Variants in LRRC4C observed in about 807,000 individuals in gnomAD.
LRRC4C encodes leucine-rich repeat-containing protein 4C.
Under a neutral mutation model 33.6 loss-of-function variants are expected in LRRC4C, and 5 were observed. The observed-to-expected ratio is 0.15, with a 90% CI of 0.08 to 0.31. The LOEUF (loss-of-function observed/expected upper bound fraction) is 0.31, where lower values mean the gene tolerates loss of function less well. LRRC4C is among the 10% of genes least tolerant of loss of function. The pLI is 1.00. For missense variants in LRRC4C, 560 were observed against 796.7 expected (o/e 0.70, Z 3.58); for synonymous variants, 329 against 302.0 (o/e 1.09, Z -0.93).
At chr11:41,281,938 A>G (rs1429329385) in intron 1 of LRRC4C, among the ~76,000 whole-genome samples, 1 of 152,254 alleles carries the variant, frequency 6.6e-6, no homozygotes, top group Non-Finnish European at 1.5e-5. Context: ...AAATGGGACA[A>G]GATCATTAGT....
chr11:40,596,150 T>C (rs1959267379), intron 3 of LRRC4C, among the ~76,000 whole-genome samples: 1 of 152,140 alleles, frequency 6.6e-6, no homozygotes, highest in Non-Finnish European at 1.5e-5. Flanking sequence ...AGGAGGATGA[T>C]AACTTGGTTT....
At chr11:40,262,320 A>C (rs1256703890) in intron 4 of LRRC4C, among the ~76,000 whole-genome samples, 1 of 152,198 alleles carries the variant, frequency 6.6e-6, no homozygotes, top group Non-Finnish European at 1.5e-5. Context: ...AATCATTAAA[A>C]AGTCGGGAAA....
intron 1 of LRRC4C, among the ~76,000 whole-genome samples, chr11:41,055,712 C>G (rs965711974): frequency 6.6e-6 from 1 of 151,962 alleles, no homozygotes; most frequent in Non-Finnish European, 1.5e-5. Context: ...TATACGTATG[C>G]TTTTGTGGGA....
At chr11:40,389,124 T>A (rs1949234304) in intron 3 of LRRC4C, among the ~76,000 whole-genome samples, 1 of 152,086 alleles carries the variant, frequency 6.6e-6, no homozygotes, top group Non-Finnish European at 1.5e-5. Flanking sequence ...TATTATTTAG[T>A]AAACCAAAGC....
chr11:41,034,541 A>G (rs1358741336), intron 1 of LRRC4C, among the ~76,000 whole-genome samples: 1 of 142,304 alleles, frequency 7.0e-6, no homozygotes, highest in Non-Finnish European at 1.5e-5. Context: ...TATATATAAT[A>G]TAAATTGGCT....
intron 3 of LRRC4C, among the ~76,000 whole-genome samples, chr11:40,638,496 G>T (rs1438911683): frequency 6.6e-6 from 1 of 152,160 alleles, no homozygotes; most frequent in Non-Finnish European, 1.5e-5. Context: ...AGAAATAATT[G>T]TAAGGATGTT....
At chr11:41,081,574 C>T (rs1266161982) in intron 1 of LRRC4C, among the ~76,000 whole-genome samples, 1 of 152,076 alleles carries the variant, frequency 6.6e-6, no homozygotes, top group Non-Finnish European at 1.5e-5. Context: ...TTCGGTTTAG[C>T]TTATTATCCA....
chr11:40,942,200 A>G (rs1156402025), intron 1 of LRRC4C, among the ~76,000 whole-genome samples: 1 of 152,104 alleles, frequency 6.6e-6, no homozygotes, highest in Non-Finnish European at 1.5e-5. Flanking sequence ...TATGTTTTAT[A>G]AGAATGGGAG....
chr11:40,420,163 G>A (rs578145799), intron 3 of LRRC4C, among the ~76,000 whole-genome samples: 1 of 152,310 alleles, frequency 6.6e-6, no homozygotes. Flanking sequence ...GGTGGTGACC[G>A]TTAGAAAGCT....
At chr11:40,604,308 T>C (rs555803538) in intron 3 of LRRC4C, among the ~76,000 whole-genome samples, 6 of 152,306 alleles carry the variant, frequency 3.9e-5, no homozygotes, top group Non-Finnish European at 8.8e-5. Flanking sequence ...GCTTCTCTCA[T>C]AATTCTCCTT....
At chr11:40,268,328 C>T (rs1942437181) in intron 4 of LRRC4C, among the ~76,000 whole-genome samples, 1 of 152,050 alleles carries the variant, frequency 6.6e-6, no homozygotes, top group Non-Finnish European at 1.5e-5. Flanking sequence ...CAAGAGGGTC[C>T]TAAGATCAGA....
At chr11:40,158,562 G>T (rs1858900052) in intron 5 of LRRC4C, among the ~76,000 whole-genome samples, 1 of 137,984 alleles carries the variant, frequency 7.2e-6, no homozygotes. Flanking sequence ...CATTATTAGA[G>T]CTTAAAACAT....
At chr11:41,075,014 C>CTTTTTT (rs869112602) in intron 1 of LRRC4C, among the ~76,000 whole-genome samples, 21 of 100,912 alleles carry the variant, frequency 2.1e-4, no homozygotes, top group African/African-American at 6.4e-4. Flanking sequence ...CTTCAATTTT[C>CTTTTTT]TTTTTTTTTT....
At chr11:41,265,329 C>T (rs145764837) in intron 1 of LRRC4C, among the ~76,000 whole-genome samples, 12 of 152,024 alleles carry the variant, frequency 7.9e-5, no homozygotes, top group East Asian at 7.8e-4. Flanking sequence ...ACCAAGAGGA[C>T]GATACTTAAA....
intron 1 of LRRC4C, among the ~76,000 whole-genome samples, chr11:41,449,371 T>C (rs886530491): frequency 1.3e-5 from 2 of 152,078 alleles, no homozygotes; most frequent in African/African-American, 4.8e-5. Context: ...ATAATCTGAA[T>C]AAATGTCAAA....
intron 3 of LRRC4C, among the ~76,000 whole-genome samples, chr11:40,555,615 T>C (rs1340606049): frequency 1.3e-5 from 2 of 152,204 alleles, no homozygotes; most frequent in East Asian, 3.9e-4. Context: ...GCCTTTTGGC[T>C]TCCCTGGGCC....
At chr11:40,301,204 C>A (rs548020191) in intron 4 of LRRC4C, among the ~76,000 whole-genome samples, 1 of 152,174 alleles carries the variant, frequency 6.6e-6, no homozygotes, top group Non-Finnish European at 1.5e-5. Flanking sequence ...AAAGAAACAA[C>A]GGTATGACAA....
chr11:40,837,361 C>G (rs1401508905), intron 2 of LRRC4C, among the ~76,000 whole-genome samples: 1 of 151,992 alleles, frequency 6.6e-6, no homozygotes, highest in Non-Finnish European at 1.5e-5. Flanking sequence ...TTAGAGTTAG[C>G]ATTGATTACA....
intron 3 of LRRC4C, among the ~76,000 whole-genome samples, chr11:40,323,390 T>G (rs930138704): frequency 1.2e-4 from 18 of 152,242 alleles, no homozygotes; most frequent in African/African-American, 3.9e-4. Context: ...ATGTGAATTA[T>G]GGCGCTTTGG....
Sources: allele counts gnomAD v4.1 joint callset (sites outside exome capture counted in the v4.1 genomes callset), GRCh38; gene constraint gnomAD v4.1.1; transcripts MANE v1.5; gene names NCBI Gene and HGNC (gene_info 2026-07-23, HGNC 2026-07-21).